NLRP8: variants seen among roughly 807,000 people sequenced by gnomAD.
The protein encoded by NLRP8 is NACHT, LRR and PYD domains-containing protein 8.
Under a neutral mutation model 88.7 loss-of-function variants are expected in NLRP8, and 86 were observed. That is an observed-to-expected ratio of 0.97 (90% CI 0.81 to 1.16). The LOEUF (loss-of-function observed/expected upper bound fraction) is 1.16, where lower values mean the gene tolerates loss of function less well. Ranked by LOEUF, NLRP8 falls within the 50% of genes most tolerant of loss-of-function variation. The pLI, the probability that NLRP8 is intolerant of heterozygous loss-of-function variation, is 0.00. For missense variants in NLRP8, 1,342 were observed against 1,286.5 expected (o/e 1.04, Z -0.66); for synonymous variants, 504 against 494.6 (o/e 1.02, Z -0.25).
rs1416920263 is a variant in NLRP8, at chr19:55,988,415, TATACAC to T, written c.*506_*511del. 11 of 134,716 alleles carry T rather than the reference TATACAC, an allele frequency of 8.2e-5. No individual in the cohort carries two copies. The highest frequency in any genetic ancestry group is 3.1e-4 in the African/African-American group (11 of 35,172). 8.3% of individuals were successfully genotyped at this position (134,716 alleles called of 1,614,324 possible). On this transcript the variant is annotated 3_prime_UTR_variant, in exon 10 of 10. Coordinates refer to ENST00000291971, the MANE Select transcript of NLRP8 (RefSeq NM_176811.2). The stretch of plus-strand genomic sequence containing the variant: ...GTCTCAAGAAGAAAAAAAAAATACA[TATACAC>T]ATAAATATATATATGTGTGTGTGTA...
Position 55,981,124 on chromosome 19 carries a change from A to G in NLRP8, c.3047+1560A>G, listed in dbSNP as rs115709220. On this transcript the variant is annotated intron_variant, in intron 9 of 9. Coordinates refer to ENST00000291971, the MANE Select transcript of NLRP8 (RefSeq NM_176811.2). ...CTGGAGGGCCCTGTAGTGGAAGGAG[A>G]CTTCCTGAAGATAATACAGGACTGG... is the stretch of plus-strand genomic sequence containing the variant. Among the ~76,000 whole-genome samples, 1,442 of 152,258 alleles carry G rather than the reference A, an allele frequency of 9.5e-3. 18 individuals carry two copies. Among genetic ancestry groups the G allele is most frequent in the African/African-American group, 0.032 (1,350 of 41,550 alleles).
chr19:55,968,998 A>G (rs925338637), intron 5 of NLRP8, among the ~76,000 whole-genome samples: 1 of 151,970 alleles, frequency 6.6e-6, no homozygotes, highest in African/African-American at 2.4e-5. Flanking sequence ...TGGCAGAGGC[A>G]TTTACCCAAC....
intron 9 of NLRP8, among the ~76,000 whole-genome samples, chr19:55,984,390 C>T (rs1568470798): frequency 6.6e-6 from 1 of 152,132 alleles, no homozygotes; most frequent in Non-Finnish European, 1.5e-5. Context: ...CGCAGTGGCT[C>T]ACGCCTGTAA....
intron 6 of NLRP8, among the ~76,000 whole-genome samples, chr19:55,972,813 G>A (rs2867236): frequency 0.098 from 10,233 of 104,784 alleles, 1,097 homozygotes; most frequent in African/African-American, 0.37. Context: ...GTGTGTATGT[G>A]TGTGTGTGTG....
intron 3 of NLRP8, among the ~76,000 whole-genome samples, chr19:55,960,521 A>C (rs190676456): frequency 1.6e-4 from 25 of 152,314 alleles, no homozygotes; most frequent in African/African-American, 6.0e-4. Flanking sequence ...ACAGTGAATC[A>C]CAATGTCTTT....
At chr19:55,986,493 C>CAA (rs1568472074) in intron 9 of NLRP8, among the ~76,000 whole-genome samples, 1 of 89,638 alleles carries the variant, frequency 1.1e-5, no homozygotes, top group Non-Finnish European at 2.5e-5. Flanking sequence ...CACACACACA[C>CAA]ACACACACAC....
At chr19:55,975,315 A>G (rs1292164838) in intron 7 of NLRP8, among the ~76,000 whole-genome samples, 2 of 152,236 alleles carry the variant, frequency 1.3e-5, no homozygotes, top group African/African-American at 4.8e-5. Context: ...TGATACTGTT[A>G]GTTCTCCAAA....
intron 4 of NLRP8, among the ~76,000 whole-genome samples, chr19:55,962,853 G>A (rs569111323): frequency 5.3e-5 from 8 of 152,232 alleles, no homozygotes; most frequent in South Asian, 4.2e-4. Context: ...AGTCCCGCAC[G>A]TGAAGCCCAC....
At chr19:55,983,463 C>CAAAAAAA (rs3974175) in intron 9 of NLRP8, among the ~76,000 whole-genome samples, 3 of 85,328 alleles carry the variant, frequency 3.5e-5, no homozygotes, top group African/African-American at 5.0e-5. Context: ...GACTCCATCT[C>CAAAAAAA]AAAAAAAAAA....
Position 55,954,535 on chromosome 19 carries a change from A to G in NLRP8, c.477A>G (p.Glu159=). The change falls in exon 3 of 10, where the codon GAA becomes GAG. Residue 159 remains glutamate (E), a synonymous_variant. Coordinates refer to ENST00000291971, the MANE Select transcript of NLRP8 (RefSeq NM_176811.2). ...GGCGGTATAAATCGAATGTGATGGA[A>G]AAGTTTTTCCCCATATGGGACATTA... The G allele has an allele frequency of 6.2e-7, 1 of 1,613,872 alleles. No homozygotes were observed. The highest frequency in any genetic ancestry group is 8.5e-7 in the Non-Finnish European group (1 of 1,179,928).
chr19:55,956,251 T>C (rs1979352604), intron 3 of NLRP8, 151 bp downstream of exon 3: 1 of 829,398 alleles, frequency 1.2e-6, no homozygotes. Flanking sequence ...TTTTGTTTTG[T>C]TTTGTTTTTT....
rs546151729 is a variant in NLRP8 at position 55,951,899 on chromosome 19, C to T, written c.368-639C>T. ...TGAGTGGTTAGGACTATAGGCATGC[C>T]ACCATGCCTGGCTAATTATTTTTTA... On this transcript the variant is annotated intron_variant, in intron 1 of 9. Coordinates refer to ENST00000291971, the MANE Select transcript of NLRP8 (RefSeq NM_176811.2). Among the ~76,000 whole-genome samples, 3 of 151,902 alleles carry T rather than the reference C, an allele frequency of 2.0e-5. No individual in the cohort carries two copies. The East Asian group carries it at 5.8e-4, about 29-fold the overall frequency.
chr19:55,973,624 C>T (rs757793098), intron 6 of NLRP8, 28 bp from the exon 7 acceptor site: 4 of 1,561,604 alleles, frequency 2.6e-6, no homozygotes, highest in Admixed American at 3.6e-5. Flanking sequence ...CCTCTCCATT[C>T]AGTCATCTGT....
At chr19:55,986,443 C>T (rs1390192733) in intron 9 of NLRP8, among the ~76,000 whole-genome samples, 2 of 61,184 alleles carry the variant, frequency 3.3e-5, no homozygotes, top group Non-Finnish European at 7.1e-5. Context: ...CACACATGCA[C>T]TCTCTCTCTC....
At position 55,966,358 on chromosome 19, in the gene NLRP8, C is replaced by G. The variant is rs183661608; in HGVS notation, c.2359C>G (p.Arg787Gly). ...TCTATGCAGGGTGCTGAGATCCCCC[C>G]GGTGCCGTCTGCAGTGTCTCAGGTG... The change falls in exon 5 of 10, where the codon CGG becomes GGG. Residue 787 changes from arginine (R) to glycine (G), a missense_variant. By Grantham distance (125) the Arg-to-Gly change is moderately radical. Transcript: ENST00000291971. 6.2e-7 allele frequency: 1 copy of G among 1,613,912 alleles called. No individual in the cohort carries two copies. Among genetic ancestry groups the G allele is most frequent in the African/African-American group, 1.3e-5 (1 of 75,020 alleles).
intron 5 of NLRP8, among the ~76,000 whole-genome samples, chr19:55,970,237 T>A (rs1980013425): frequency 6.6e-6 from 1 of 152,192 alleles, no homozygotes; most frequent in Non-Finnish European, 1.5e-5. Flanking sequence ...ACCCTATAAA[T>A]ATACACAATT....
At chr19:55,974,735 C>CAAA (rs550499918) in intron 7 of NLRP8, among the ~76,000 whole-genome samples, 2,447 of 78,486 alleles carry the variant, frequency 0.031, 66 homozygotes, top group Admixed American at 0.095. Flanking sequence ...GACTCTGTCT[C>CAAA]AAAAAAAAAA....
chr19:55,951,613 G>C (rs983280805), intron 1 of NLRP8, among the ~76,000 whole-genome samples: 1 of 152,214 alleles, frequency 6.6e-6, no homozygotes, highest in Non-Finnish European at 1.5e-5. Context: ...ATTCATGGGT[G>C]CTCAACTCCT....
intron 5 of NLRP8, among the ~76,000 whole-genome samples, chr19:55,968,098 T>C (rs1302374661): frequency 6.6e-6 from 1 of 152,232 alleles, no homozygotes; most frequent in African/African-American, 2.4e-5. Context: ...AATATAATTT[T>C]CATATGTCAC....
Sources: allele counts gnomAD v4.1 joint callset (sites outside exome capture counted in the v4.1 genomes callset), GRCh38; gene constraint gnomAD v4.1.1; transcripts MANE v1.5; gene names NCBI Gene and HGNC (gene_info 2026-07-23, HGNC 2026-07-21).